LRMDA: variants seen among roughly 807,000 people sequenced by gnomAD.
LRMDA encodes the protein leucine-rich melanocyte differentiation-associated protein.
Under a neutral mutation model 29.8 loss-of-function variants are expected in LRMDA, and 18 were observed. The observed-to-expected ratio is 0.60, with a 90% CI of 0.42 to 0.90. LRMDA has a LOEUF of 0.90. Among genes scored for constraint, LRMDA ranks in the 40% least tolerant of loss-of-function variants. The pLI is 0.00. For missense variants in LRMDA, 273 were observed against 273.9 expected, an observed-to-expected ratio of 1.00 and a Z score of 0.02; for synonymous variants, 125 against 109.4, an observed-to-expected ratio of 1.14 and a Z score of -0.89.
intron 5 of LRMDA, among the ~76,000 whole-genome samples, chr10:76,237,133 A>G (rs1490247678): frequency 6.6e-6 from 1 of 152,212 alleles, no homozygotes; most frequent in Non-Finnish European, 1.5e-5. Context: ...GCAGTGAGCT[A>G]TGACTGCACT....
At chr10:76,077,429 G>A (rs1256338317) in intron 5 of LRMDA, among the ~76,000 whole-genome samples, 1 of 152,142 alleles carries the variant, frequency 6.6e-6, no homozygotes, top group Non-Finnish European at 1.5e-5. Flanking sequence ...CTGTAGGGCA[G>A]GTTATCTGTC....
intron 2 of LRMDA, among the ~76,000 whole-genome samples, chr10:75,452,264 T>C (rs186921045): frequency 1.1e-4 from 17 of 152,248 alleles, no homozygotes; most frequent in African/African-American, 3.6e-4. Flanking sequence ...TCGATGCCCA[T>C]TTATTTTGAG....
chr10:76,412,244 G>A (rs1273486558), intron 6 of LRMDA, among the ~76,000 whole-genome samples: 1 of 152,214 alleles, frequency 6.6e-6, no homozygotes. Flanking sequence ...TCCCCACATT[G>A]TGTAATTCTT....
chr10:76,386,151 A>G (rs1841656878), intron 6 of LRMDA, among the ~76,000 whole-genome samples: 1 of 152,164 alleles, frequency 6.6e-6, no homozygotes, highest in South Asian at 2.1e-4. Context: ...GTGTTTGTTT[A>G]TGTGTTAATC....
In LRMDA at chr10:75,510,871, A is replaced by T. The variant is rs543747743; in HGVS notation, c.131+72377A>T. Among the ~76,000 whole-genome samples, 4 of 152,294 alleles carry T rather than the reference A, an allele frequency of 2.6e-5. No homozygotes were observed. In the East Asian group the frequency reaches 7.7e-4, roughly 29 times the overall value. ...TCATCCTTTTCTGAAATAGCCACACATATCCAAAAAAGGCCAGGCCACTGA... is the reference window on the plus strand; with the variant it reads ...TCATCCTTTTCTGAAATAGCCACACTTATCCAAAAAAGGCCAGGCCACTGA... On this transcript the variant is annotated intron_variant, in intron 2 of 6. Coordinates refer to ENST00000611255, the MANE Select transcript of LRMDA (RefSeq NM_001305581.2).
At chr10:76,333,027 G>A (rs1840923239) in intron 6 of LRMDA, among the ~76,000 whole-genome samples, 2 of 152,186 alleles carry the variant, frequency 1.3e-5, no homozygotes, top group South Asian at 4.1e-4. Flanking sequence ...CAATGTAGGT[G>A]AGACTACTCA....
At chr10:76,126,437 C>A (rs1849884717) in intron 5 of LRMDA, among the ~76,000 whole-genome samples, 1 of 152,188 alleles carries the variant, frequency 6.6e-6, no homozygotes, top group South Asian at 2.1e-4. Context: ...TAACCTGTGG[C>A]TGCAGGAATT....
chr10:76,035,675 C>T (rs939303665), intron 2 of LRMDA, among the ~76,000 whole-genome samples: 1 of 152,140 alleles, frequency 6.6e-6, no homozygotes, highest in African/African-American at 2.4e-5. Flanking sequence ...TAGGGTCAGC[C>T]GAGGCTGGGT....
At chr10:76,504,184 T>A (rs1842938042) in intron 6 of LRMDA, among the ~76,000 whole-genome samples, 1 of 151,996 alleles carries the variant, frequency 6.6e-6, no homozygotes, top group South Asian at 2.1e-4. Flanking sequence ...TATGGTGTGG[T>A]CCAAGAGTGT....
At chr10:75,755,387 C>G (rs1237729132) in intron 2 of LRMDA, among the ~76,000 whole-genome samples, 1 of 152,172 alleles carries the variant, frequency 6.6e-6, no homozygotes, top group South Asian at 2.1e-4. Flanking sequence ...GAATGTCTAC[C>G]TAGATGATGA....
rs1409947254 is a variant in LRMDA at position 76,429,148 on chromosome 10, A to G, written c.601+104663A>G. On this transcript the variant is annotated intron_variant, in intron 6 of 6. Coordinates refer to ENST00000611255, the MANE Select transcript of LRMDA (RefSeq NM_001305581.2). Reference sequence around the variant, plus strand: ...TCATGCATGAAAAACCCCAAAGTAAAAATGTTGGAGAATTAACAAAAAAAA... The same window carrying G: ...TCATGCATGAAAAACCCCAAAGTAAGAATGTTGGAGAATTAACAAAAAAAA... Among the ~76,000 whole-genome samples, 8 of 152,166 alleles carry G rather than the reference A, an allele frequency of 5.3e-5. No individual in the cohort carries two copies. The East Asian group carries it at 1.5e-3, about 29-fold the overall frequency.
At position 75,600,036 on chromosome 10, in the gene LRMDA, G is replaced by A. The variant is rs184882337; in HGVS notation, c.131+161542G>A. Among the ~76,000 whole-genome samples, 462 of 152,318 alleles carry A rather than the reference G, an allele frequency of 3.0e-3. 6 individuals are homozygous for A. The highest frequency in any genetic ancestry group is 0.01 in the African/African-American group (422 of 41,558). ...AAGAATAAGTATAACCCATTTTACA[G>A]ATGGGAAAACCAAGGCCTAGGAAGA... On this transcript the variant is annotated intron_variant, in intron 2 of 6. Coordinates refer to ENST00000611255, the MANE Select transcript of LRMDA (RefSeq NM_001305581.2).
chr10:75,676,374 T>C (rs1459215976), intron 2 of LRMDA, among the ~76,000 whole-genome samples: 1 of 152,202 alleles, frequency 6.6e-6, no homozygotes, highest in Non-Finnish European at 1.5e-5. Context: ...TTGGATGAAA[T>C]GATCTTCGTA....
chr10:76,375,293 T>C (rs567129791), intron 6 of LRMDA, among the ~76,000 whole-genome samples: 2 of 141,920 alleles, frequency 1.4e-5, no homozygotes, highest in African/African-American at 5.3e-5. Context: ...AAAGGACTTA[T>C]GTTTTGGAAA....
chr10:76,053,498 C>T (rs1336629850), intron 4 of LRMDA, among the ~76,000 whole-genome samples: 2 of 148,690 alleles, frequency 1.3e-5, no homozygotes, highest in South Asian at 2.1e-4. Context: ...TTTGGGAATC[C>T]TCTCTTGTAT....
At chr10:76,373,001 C>T (rs1841473237) in intron 6 of LRMDA, among the ~76,000 whole-genome samples, 1 of 152,144 alleles carries the variant, frequency 6.6e-6, no homozygotes, top group Non-Finnish European at 1.5e-5. Context: ...ATTTCCAGCT[C>T]TTCAGGTGCT....
intron 2 of LRMDA, among the ~76,000 whole-genome samples, chr10:75,847,632 A>G (rs942529799): frequency 6.6e-6 from 1 of 152,172 alleles, no homozygotes; most frequent in Non-Finnish European, 1.5e-5. Flanking sequence ...TATATAAAGA[A>G]CTTCTACAAT....
chr10:75,638,359 A>G (rs1841413110), intron 2 of LRMDA, among the ~76,000 whole-genome samples: 1 of 152,220 alleles, frequency 6.6e-6, no homozygotes, highest in South Asian at 2.1e-4. Flanking sequence ...TTTCAGAGCA[A>G]TAGGCAAAAG....
intron 6 of LRMDA, among the ~76,000 whole-genome samples, chr10:76,405,804 C>T (rs1439938608): frequency 2.6e-5 from 4 of 152,192 alleles, no homozygotes; most frequent in Admixed American, 2.6e-4. Flanking sequence ...ATACTCTCCT[C>T]AGCCCCCGTG....
Sources: allele counts gnomAD v4.1 joint callset (sites outside exome capture counted in the v4.1 genomes callset), GRCh38; gene constraint gnomAD v4.1.1; transcripts MANE v1.5; gene names NCBI Gene and HGNC (gene_info 2026-07-23, HGNC 2026-07-21).